Variants in TBL1X observed in about 807,000 individuals in gnomAD.
TBL1X encodes the protein transducin beta like 1 X-linked.
TBL1X carries 10 observed loss-of-function variants against 50.7 expected under a neutral mutation model. The ratio of observed to expected loss-of-function variants is 0.20; its 90% confidence interval spans 0.12 to 0.33. The LOEUF (loss-of-function observed/expected upper bound fraction) is 0.33, where lower values mean the gene tolerates loss of function less well. TBL1X is among the 10% of genes least tolerant of loss of function. The probability of loss-of-function intolerance (pLI) is 1.00; values close to 1 mark genes in which losing one functional copy is unlikely to be tolerated. For synonymous variants in TBL1X, 190 were observed against 214.7 expected (o/e 0.88, Z 1.01); for missense variants, 340 against 504.4 (o/e 0.67, Z 3.12).
intron 1 of TBL1X, among the ~76,000 whole-genome samples, chrX:9,474,470 T>C (rs765062079): frequency 8.8e-6 from 1 of 113,464 alleles, no homozygotes; most frequent in South Asian, 3.6e-4. Context: ...GGACTGGACA[T>C]CGTTCCAGAG....
chrX:9,575,015 A>G (rs752746828), intron 2 of TBL1X, among the ~76,000 whole-genome samples: 1 of 111,454 alleles, frequency 9.0e-6, no homozygotes, highest in South Asian at 3.8e-4. Flanking sequence ...ATAAGGAACT[A>G]CCTGAGACTG....
intron 2 of TBL1X, among the ~76,000 whole-genome samples, chrX:9,537,019 A>G (rs894183833): frequency 8.9e-6 from 1 of 111,814 alleles, no homozygotes; most frequent in African/African-American, 3.3e-5. Flanking sequence ...CAATTACTGT[A>G]AGGTCAATCC....
At chrX:9,606,503 ACT>A (rs1244992545) in intron 2 of TBL1X, among the ~76,000 whole-genome samples, 1 of 110,279 alleles carries the variant, frequency 9.1e-6, no homozygotes. Context: ...ACACAGTGAG[ACT>A]CTGTCTGTAC....
At chrX:9,480,368 T>C (rs758916227) in intron 1 of TBL1X, among the ~76,000 whole-genome samples, 29 of 111,952 alleles carry the variant, frequency 2.6e-4, no homozygotes, top group African/African-American at 9.4e-4. Flanking sequence ...CTTAAAAGAG[T>C]AATGGGACAA....
intron 1 of TBL1X, among the ~76,000 whole-genome samples, chrX:9,488,976 A>G (rs2081927944): frequency 1.8e-5 from 2 of 111,136 alleles, no homozygotes; most frequent in Non-Finnish European, 1.9e-5. Context: ...TTGAGCCACC[A>G]TGCTTGCCCT....
intron 2 of TBL1X, among the ~76,000 whole-genome samples, chrX:9,556,778 TTTTTG>T (rs202223982): frequency 0.035 from 3,821 of 109,746 alleles, 135 homozygotes; most frequent in African/African-American, 0.11. Flanking sequence ...AGTTTCTGGT[TTTTTG>T]TTTTGTTTTG....
At chrX:9,587,775 A>G (rs975500157) in intron 2 of TBL1X, among the ~76,000 whole-genome samples, 2 of 110,082 alleles carry the variant, frequency 1.8e-5, no homozygotes, top group Non-Finnish European at 3.8e-5. Context: ...GGGAAGAAAC[A>G]CCCACCCAGT....
chrX:9,484,581 T>C (rs2081901005), intron 1 of TBL1X, among the ~76,000 whole-genome samples: 1 of 111,396 alleles, frequency 9.0e-6, no homozygotes, highest in South Asian at 3.8e-4. Flanking sequence ...TTGTTGCACA[T>C]GTCACTAACT....
intron 1 of TBL1X, among the ~76,000 whole-genome samples, chrX:9,472,812 C>T (rs1268543866): frequency 9.1e-6 from 1 of 109,748 alleles, no homozygotes; most frequent in African/African-American, 3.3e-5. Context: ...CCTTGGGAGG[C>T]TGAGACAGGA....
chrX:9,589,160 G>A (rs1239942682), intron 2 of TBL1X, among the ~76,000 whole-genome samples: 1 of 111,656 alleles, frequency 9.0e-6, no homozygotes, highest in African/African-American at 3.3e-5. Flanking sequence ...CAGCAGTGTT[G>A]TGATTAAACT....
intron 2 of TBL1X, among the ~76,000 whole-genome samples, chrX:9,566,407 G>C (rs2082351654): frequency 8.9e-6 from 1 of 111,958 alleles, no homozygotes. Flanking sequence ...GGTAATACAG[G>C]AAACACCAGC....
intron 5 of TBL1X, among the ~76,000 whole-genome samples, chrX:9,669,987 A>C (rs2082951289): frequency 8.9e-6 from 1 of 111,740 alleles, no homozygotes; most frequent in Non-Finnish European, 1.9e-5. Flanking sequence ...TGGGGGAAAA[A>C]TTTAGTTTAT....
chrX:9,709,406 T>C, intron 14 of TBL1X, 84 bp downstream of exon 14: 1 of 1,064,706 alleles, frequency 9.4e-7, no homozygotes, highest in Non-Finnish European at 1.3e-6. Flanking sequence ...CACTCTTACA[T>C]GAGGATTATT....
At chrX:9,661,871 G>A (rs1396552576) in intron 5 of TBL1X, among the ~76,000 whole-genome samples, 1 of 111,320 alleles carries the variant, frequency 9.0e-6, no homozygotes, top group Non-Finnish European at 1.9e-5. Flanking sequence ...TGAGGGTGAA[G>A]TGAGATCCCC....
At chrX:9,566,253 G>A (rs867454286) in intron 2 of TBL1X, among the ~76,000 whole-genome samples, 3 of 111,784 alleles carry the variant, frequency 2.7e-5, no homozygotes, top group African/African-American at 6.5e-5. Context: ...GCATTCCTCC[G>A]CCAGTCCTGA....
chrX:9,676,451 T>C (rs1178133956), intron 5 of TBL1X, among the ~76,000 whole-genome samples: 3 of 112,662 alleles, frequency 2.7e-5, no homozygotes, highest in African/African-American at 9.7e-5. Flanking sequence ...CTAGAGGATA[T>C]GAAAATAGTC....
chrX:9,551,171 A>G (rs2082269254), intron 2 of TBL1X, among the ~76,000 whole-genome samples: 1 of 111,285 alleles, frequency 9.0e-6, no homozygotes, highest in South Asian at 3.8e-4. Flanking sequence ...GTCCCCTGGG[A>G]TCTGGTTATA....
chrX:9,601,669 G>A (rs1383173636), intron 2 of TBL1X, among the ~76,000 whole-genome samples: 1 of 111,720 alleles, frequency 9.0e-6, no homozygotes, highest in African/African-American at 3.3e-5. Context: ...TCCCAGGTGG[G>A]CAGGAAGGAA....
At chrX:9,539,129 T>C (rs1182395324) in intron 2 of TBL1X, among the ~76,000 whole-genome samples, 4 of 112,328 alleles carry the variant, frequency 3.6e-5, no homozygotes, top group Non-Finnish European at 7.5e-5. Context: ...ACATTGTGTT[T>C]GAGGACAACA....
Sources: allele counts gnomAD v4.1 joint callset (sites outside exome capture counted in the v4.1 genomes callset), GRCh38; gene constraint gnomAD v4.1.1; transcripts MANE v1.5; gene names NCBI Gene and HGNC (gene_info 2026-07-23, HGNC 2026-07-21).